The following PCDHGB2 variants were observed in gnomAD, a reference collection of about 807,000 sequenced individuals.
The protein encoded by PCDHGB2 is protocadherin gamma subfamily B, 2, also known as protocadherin gamma-B2.
PCDHGB2 carries 55 observed loss-of-function variants against 59.3 expected under a neutral mutation model. The observed-to-expected ratio is 0.93, with a 90% CI of 0.75 to 1.16. PCDHGB2 has a LOEUF of 1.16. Ranked by LOEUF, PCDHGB2 falls within the 50% of genes most tolerant of loss-of-function variation. The probability of loss-of-function intolerance (pLI) is 0.00; values close to 1 mark genes in which losing one functional copy is unlikely to be tolerated. For missense variants in PCDHGB2, 1,228 were observed against 1,198.5 expected, an observed-to-expected ratio of 1.02 and a Z score of -0.36; for synonymous variants, 516 against 512.0, an observed-to-expected ratio of 1.01 and a Z score of -0.11.
chr5:141,477,168 A>C lies in PCDHGB2; in HGVS notation c.2422-17639A>C, dbSNP rs763187246. 1 of 1,614,210 alleles carries C rather than the reference A, an allele frequency of 6.2e-7. No homozygotes were observed. The highest frequency in any genetic ancestry group is 8.5e-7 in the Non-Finnish European group (1 of 1,180,040). On this transcript the variant is annotated intron_variant, in intron 1 of 3. Transcript: ENST00000522605. This position sits in a 1 kb window ranked among gnomAD's most constrained non-coding sequence, Gnocchi z 4.9. ...GTGGATGTGAATGACAACGCCCCGG[A>C]GATCACAGTCACCTCCGTGTACAGC...
At chr5:141,507,858 AC>A (rs2099864314) in intron 3 of PCDHGB2, among the ~76,000 whole-genome samples, 1 of 151,748 alleles carries the variant, frequency 6.6e-6, no homozygotes, top group African/African-American at 2.4e-5. Flanking sequence ...TCACTTTCAC[AC>A]CCGCTTCCTA....
intron 2 of PCDHGB2, among the ~76,000 whole-genome samples, chr5:141,501,761 G>C (rs906778888): frequency 2.6e-5 from 4 of 152,090 alleles, no homozygotes; most frequent in African/African-American, 4.8e-5. Flanking sequence ...CTCAGTAAAT[G>C]GTTAAAAAAG....
rs145718404 is a variant in PCDHGB2 at position 141,404,928 on chromosome 5, C to T, written c.2421+42372C>T. On this transcript the variant is annotated intron_variant, in intron 1 of 3. Transcript: ENST00000522605. ...CAGCCCCCTCTCTCGGCCACTGTCA[C>T]GCTCACAGTAGCCATAGCTGACAGC... The T allele has an allele frequency of 1.6e-4, 263 of 1,613,866 alleles. 1 individual carries two copies. In the African/African-American group the frequency reaches 2.2e-3, roughly 13 times the overall value.
chr5:141,435,066 G>A (rs936110088), intron 1 of PCDHGB2, among the ~76,000 whole-genome samples: 3 of 151,920 alleles, frequency 2.0e-5, no homozygotes, highest in African/African-American at 7.3e-5. Context: ...GCAGTTTTGT[G>A]TAGACCGTCT....
At chr5:141,415,259 T>A (rs778452630) in intron 1 of PCDHGB2, 5 of 1,614,226 alleles carry the variant, frequency 3.1e-6, no homozygotes, top group Admixed American at 1.7e-5. Flanking sequence ...GACCTCACTC[T>A]GTACCTGGTG....
intron 1 of PCDHGB2, chr5:141,371,206 A>T: frequency 6.2e-7 from 1 of 1,614,018 alleles, no homozygotes. Context: ...GACATGGATG[A>T]GGGCATCAAT....
At chr5:141,438,366 G>A (rs749623408) in intron 1 of PCDHGB2, among the ~76,000 whole-genome samples, 6 of 151,462 alleles carry the variant, frequency 4.0e-5, no homozygotes, top group Non-Finnish European at 7.4e-5. Context: ...TTGTCATTGA[G>A]GGCAGATATA....
At chr5:141,408,392 C>G in intron 1 of PCDHGB2, 1 of 1,614,002 alleles carries the variant, frequency 6.2e-7, no homozygotes, top group South Asian at 1.1e-5. Context: ...TGTGTCGGCT[C>G]GCAAGCTGCG....
At chr5:141,363,620 A>G (rs779987029) in intron 1 of PCDHGB2, among the ~76,000 whole-genome samples, 3 of 152,264 alleles carry the variant, frequency 2.0e-5, no homozygotes, top group Admixed American at 1.3e-4. Context: ...TAGTGGAGAG[A>G]CTTTCTCAAA....
chr5:141,365,776 C>T (rs764374830), intron 1 of PCDHGB2: 6 of 1,613,892 alleles, frequency 3.7e-6, no homozygotes, highest in South Asian at 1.1e-5. Flanking sequence ...CCGACAGCGG[C>T]GACAACGCTC....
At position 141,364,431 on chromosome 5, in the gene PCDHGB2, C is replaced by T; in HGVS notation, c.2421+1875C>T. On this transcript the variant is annotated intron_variant, in intron 1 of 3. Coordinates refer to ENST00000522605, the MANE Select transcript of PCDHGB2 (RefSeq NM_018923.3). ...CCAGGATCCGGGCAGATCCGCTACT[C>T]GATGCCGGAGGAGCTGGACAAAGGC... 2.5e-6 allele frequency: 4 copies of T among 1,613,754 alleles called. No individual in the cohort carries two copies. The South Asian group carries it at 3.3e-5, about 13-fold the overall frequency.
chr5:141,411,536 A>G (rs1333872781), intron 1 of PCDHGB2: 1 of 152,248 alleles, frequency 6.6e-6, no homozygotes, highest in Admixed American at 6.5e-5. Context: ...GTGAGCCCTG[A>G]TCTTGCCACT....
rs369793035 is a variant in PCDHGB2, at chr5:141,408,762, A to T, written c.2421+46206A>T. 57 of 1,610,942 alleles carry T rather than the reference A, an allele frequency of 3.5e-5. No homozygotes were observed. The highest frequency in any genetic ancestry group is 4.6e-5 in the Non-Finnish European group (54 of 1,178,454). On this transcript the variant is annotated intron_variant, in intron 1 of 3. Transcript: ENST00000522605. ...TCATTAATGGTTAGAGTTAATTCCG[A>T]TGGTGGCAAATACCCAGAGTTATCT...
chr5:141,486,725 C>A lies in PCDHGB2; in HGVS notation c.2422-8082C>A. 1 of 1,614,182 alleles carries A rather than the reference C, an allele frequency of 6.2e-7. No individual in the cohort carries two copies. The highest frequency in any genetic ancestry group is 1.1e-5 in the South Asian group (1 of 91,076). On this transcript the variant is annotated intron_variant, in intron 1 of 3. Transcript: ENST00000522605. The surrounding 1 kb of genome is among the most constrained non-coding windows in gnomAD (Gnocchi z 5.0). ...TCTGAACCCCCAGACAGGAGCTGTT[C>A]ATGCTACTCGATCCTTTGACTATGA...
intron 1 of PCDHGB2, chr5:141,403,591 G>A (rs1377998886): frequency 2.5e-6 from 4 of 1,613,836 alleles, no homozygotes; most frequent in East Asian, 2.2e-5. Context: ...TGGTCCTCAC[G>A]GCCTCGGATG....
chr5:141,398,753 G>A (rs141932976), intron 1 of PCDHGB2: 3 of 1,613,452 alleles, frequency 1.9e-6, no homozygotes, highest in East Asian at 2.2e-5. Flanking sequence ...AGTTACCATC[G>A]TTTAGTCCTG....
At chr5:141,366,268 C>A in intron 1 of PCDHGB2, 4 of 1,613,720 alleles carry the variant, frequency 2.5e-6, no homozygotes, top group Non-Finnish European at 3.4e-6. Flanking sequence ...TGGTGGCCGT[C>A]GAAGACCATG....
chr5:141,481,619 A>T (rs1303171847), intron 1 of PCDHGB2, among the ~76,000 whole-genome samples: 1 of 152,128 alleles, frequency 6.6e-6, no homozygotes, highest in Non-Finnish European at 1.5e-5. Flanking sequence ...GGAGTTCAAG[A>T]CCGGCCTGGC....
chr5:141,384,580 G>T, intron 1 of PCDHGB2: 1 of 1,614,196 alleles, frequency 6.2e-7, no homozygotes, highest in Non-Finnish European at 8.5e-7. Flanking sequence ...CAACCCGCCC[G>T]AGATCCTGTA....
Sources: allele counts gnomAD v4.1 joint callset (sites outside exome capture counted in the v4.1 genomes callset), GRCh38; gene constraint gnomAD v4.1.1; non-coding constraint Gnocchi (gnomAD v3.1); transcripts MANE v1.5; gene names NCBI Gene and HGNC (gene_info 2026-07-23, HGNC 2026-07-21).